The following CNTNAP5 variants were observed in gnomAD, a reference collection of about 807,000 sequenced individuals.
CNTNAP5 encodes contactin-associated protein-like 5.
In CNTNAP5, 72 loss-of-function variants were observed where a neutral mutation model predicts 150.2. The observed-to-expected ratio is 0.48, with a 90% CI of 0.40 to 0.58. CNTNAP5 has a LOEUF of 0.58. Ranked by LOEUF, CNTNAP5 falls within the 20% of genes least tolerant of loss-of-function variation. CNTNAP5 has a pLI of 0.00. For missense variants in CNTNAP5, 1,636 were observed against 1,626.2 expected (o/e 1.01, Z -0.10); for synonymous variants, 672 against 619.8 (o/e 1.08, Z -1.25).
At chr2:124,807,843 G>C (rs989962112) in intron 19 of CNTNAP5, among the ~76,000 whole-genome samples, 1 of 152,104 alleles carries the variant, frequency 6.6e-6, no homozygotes, top group Non-Finnish European at 1.5e-5. Context: ...TCATTCAAGA[G>C]AGGGGCCAGG....
intron 3 of CNTNAP5, among the ~76,000 whole-genome samples, chr2:124,346,216 A>G (rs1247853361): frequency 6.6e-6 from 1 of 152,214 alleles, no homozygotes; most frequent in Non-Finnish European, 1.5e-5. Flanking sequence ...GAGAGTGAGC[A>G]AAAGGGTAAC....
At chr2:124,797,019 A>G (rs1438608766) in intron 18 of CNTNAP5, among the ~76,000 whole-genome samples, 1 of 152,254 alleles carries the variant, frequency 6.6e-6, no homozygotes, top group East Asian at 1.9e-4. Flanking sequence ...GGATGGATTC[A>G]GGTTAATTTC....
intron 3 of CNTNAP5, among the ~76,000 whole-genome samples, chr2:124,366,797 G>T (rs555128120): frequency 1.3e-5 from 2 of 152,228 alleles, no homozygotes; most frequent in South Asian, 2.1e-4. Context: ...AGAAAAGAGG[G>T]CTGAGTCTTA....
chr2:124,032,400 T>C (rs1421730799), intron 1 of CNTNAP5, among the ~76,000 whole-genome samples: 1 of 152,136 alleles, frequency 6.6e-6, no homozygotes, highest in African/African-American at 2.4e-5. Context: ...ATACAGGTAA[T>C]GATTATAGTC....
chr2:124,910,753 A>G lies in CNTNAP5; in HGVS notation c.3656-714A>G, dbSNP rs375023164. ...CATTTTCCAATGATCAAATGATACA[A>G]CAATAATAATCATAGTGGCTACTTA... On this transcript the variant is annotated intron_variant, in intron 22 of 23. Transcript: ENST00000682447. Among the ~76,000 whole-genome samples, 316 of 152,188 alleles carry G rather than the reference A, an allele frequency of 2.1e-3. 2 individuals carry two copies. Among genetic ancestry groups the G allele is most frequent in the African/African-American group, 7.3e-3 (303 of 41,542 alleles).
chr2:124,881,865 A>G (rs180809594), intron 21 of CNTNAP5, among the ~76,000 whole-genome samples: 99 of 152,094 alleles, frequency 6.5e-4, no homozygotes, highest in African/African-American at 2.1e-3. Flanking sequence ...CTATGCTTCT[A>G]TGTGTTTCAT....
intron 1 of CNTNAP5, among the ~76,000 whole-genome samples, chr2:124,103,155 G>A (rs1169841286): frequency 2.0e-5 from 3 of 151,988 alleles, no homozygotes; most frequent in Non-Finnish European, 2.9e-5. Context: ...TTAACAGTTA[G>A]TTAAAAATAG....
intron 21 of CNTNAP5, among the ~76,000 whole-genome samples, chr2:124,894,076 T>C (rs897453619): frequency 3.9e-5 from 6 of 152,164 alleles, no homozygotes; most frequent in African/African-American, 1.2e-4. Context: ...CTTACATGTG[T>C]GTAACTGACT....
intron 8 of CNTNAP5, among the ~76,000 whole-genome samples, chr2:124,522,374 G>A (rs753929994): frequency 1.2e-4 from 19 of 152,116 alleles, no homozygotes; most frequent in Non-Finnish European, 1.9e-4. Flanking sequence ...CTCTCATTCC[G>A]CCTCCTGGGG....
chr2:124,462,082 A>C (rs1277045761), intron 6 of CNTNAP5, among the ~76,000 whole-genome samples: 1 of 152,134 alleles, frequency 6.6e-6, no homozygotes, highest in East Asian at 1.9e-4. Context: ...CTATATCACA[A>C]ATATAAAAGG....
At chr2:124,316,877 C>A (rs1195868387) in intron 3 of CNTNAP5, among the ~76,000 whole-genome samples, 1 of 147,870 alleles carries the variant, frequency 6.8e-6, no homozygotes, top group Admixed American at 6.8e-5. Context: ...TCATAGTGAA[C>A]CTTCCTGTAT....
intron 1 of CNTNAP5, among the ~76,000 whole-genome samples, chr2:124,179,168 T>A (rs151036910): frequency 7.3e-5 from 11 of 151,492 alleles, no homozygotes; most frequent in East Asian, 5.8e-4. Context: ...TTATTTTTTT[T>A]AATTTTGATA....
At chr2:124,193,635 C>A (rs1685509472) in intron 1 of CNTNAP5, among the ~76,000 whole-genome samples, 1 of 152,282 alleles carries the variant, frequency 6.6e-6, no homozygotes, top group Admixed American at 6.5e-5. Flanking sequence ...AAACAGATAC[C>A]AAACCACTAA....
chr2:124,646,878 T>G (rs1199552399), intron 12 of CNTNAP5, among the ~76,000 whole-genome samples: 1 of 152,062 alleles, frequency 6.6e-6, no homozygotes, highest in Non-Finnish European at 1.5e-5. Flanking sequence ...GAGGCTGAGG[T>G]GGGAGAATTG....
rs759769151 is a variant in CNTNAP5, at chr2:124,504,401, C to T, written c.1172C>T (p.Ser391Leu). 3 of 1,613,934 alleles carry T rather than the reference C, an allele frequency of 1.9e-6. No homozygotes were observed. The highest frequency in any genetic ancestry group is 2.2e-5 in the East Asian group (1 of 44,862). Residue 391 changes from serine (S) to leucine (L), a missense_variant, in exon 8 of 24, where the codon TCA (serine) becomes TTA (leucine). Ser to Leu is a moderately radical substitution (Grantham distance 145, BLOSUM62 -2). Coordinates refer to ENST00000682447, the MANE Select transcript of CNTNAP5 (RefSeq NM_001367498.1). The stretch of plus-strand genomic sequence containing the variant: ...GGCACCCCCCAAATTGATGGGCTCT[C>T]AGTGAGTTTCCAGTTTCGAACATGG... The part of the protein sequence containing the change: ...LPGTPQIDGL[S>L]VSFQFRTWNK...
chr2:124,437,539 G>A lies in CNTNAP5; in HGVS notation c.733+2852G>A, dbSNP rs190608420. 1.3e-3 allele frequency among the ~76,000 whole-genome samples: 198 copies of A among 151,784 alleles called. 1 individual carries two copies. The Middle Eastern group carries it at 0.017, about 13-fold the overall frequency. ...AAATATATATCAGTTTTAGAAAACC[G>A]GAAAATAATATAAAAAAAAGAAAAA... On this transcript the variant is annotated intron_variant, in intron 5 of 23. Transcript: ENST00000682447.
At chr2:124,412,451 G>A (rs1374848162) in intron 3 of CNTNAP5, among the ~76,000 whole-genome samples, 2 of 149,608 alleles carry the variant, frequency 1.3e-5, no homozygotes, top group Non-Finnish European at 3.0e-5. Context: ...AACAAAGCTG[G>A]AGGCATCACA....
chr2:124,419,153 A>AAAAAAAAAAAAAAAAAAAAAAAAAAC (rs1553466545), intron 4 of CNTNAP5, among the ~76,000 whole-genome samples: 9 of 76,406 alleles, frequency 1.2e-4, no homozygotes, highest in Non-Finnish European at 1.6e-4. Context: ...AAAAAAAAAA[A>AAAAAAAAAAAAAAAAAAAAAAAAAAC]AAAAAAAAAA....
At chr2:124,894,547 TTTTTTC>T (rs1678264602) in intron 21 of CNTNAP5, among the ~76,000 whole-genome samples, 1 of 151,136 alleles carries the variant, frequency 6.6e-6, no homozygotes. Flanking sequence ...TTTTATTTTC[TTTTTTC>T]TTTTTCTTTT....
Sources: allele counts gnomAD v4.1 joint callset (sites outside exome capture counted in the v4.1 genomes callset), GRCh38; gene constraint gnomAD v4.1.1; transcripts MANE v1.5; gene names NCBI Gene and HGNC (gene_info 2026-07-23, HGNC 2026-07-21).